Variants in GRID1 observed in about 807,000 individuals in gnomAD.
GRID1 encodes the protein glutamate ionotropic receptor delta type subunit 1.
Under a neutral mutation model 98.0 loss-of-function variants are expected in GRID1, and 28 were observed. The ratio of observed to expected loss-of-function variants is 0.29; its 90% CI spans 0.21 to 0.39. GRID1 has a LOEUF of 0.39. Among genes scored for constraint, GRID1 ranks in the 10% least tolerant of loss-of-function variants. The pLI is 1.00. For missense variants in GRID1, 1,111 were observed against 1,340.5 expected, an observed-to-expected ratio of 0.83 and a Z score of 2.67; for synonymous variants, 553 against 538.5, an observed-to-expected ratio of 1.03 and a Z score of -0.37.
chr10:86,197,192 G>A (rs116294387), intron 3 of GRID1, among the ~76,000 whole-genome samples: 106 of 151,744 alleles, frequency 7.0e-4, no homozygotes, highest in African/African-American at 2.4e-3. Flanking sequence ...GAAAGGGAAG[G>A]CCCCACGGGA....
intron 4 of GRID1, among the ~76,000 whole-genome samples, chr10:86,121,573 A>ATCAC (rs1564681384): frequency 3.2e-4 from 1 of 3,124 alleles, no homozygotes; most frequent in Non-Finnish European, 9.3e-4. Context: ...ATCACCATCA[A>ATCAC]CATCACCACC....
chr10:86,054,773 A>G (rs1378388382), intron 4 of GRID1, among the ~76,000 whole-genome samples: 2 of 152,200 alleles, frequency 1.3e-5, no homozygotes, highest in South Asian at 4.1e-4. Flanking sequence ...CACTGTAAAA[A>G]TGGTCCCACT....
intron 4 of GRID1, among the ~76,000 whole-genome samples, chr10:86,132,672 G>T (rs562083286): frequency 6.6e-6 from 1 of 152,222 alleles, no homozygotes; most frequent in Non-Finnish European, 1.5e-5. Context: ...CATATATCAT[G>T]TGGGACAACA....
In GRID1 at chr10:85,677,942, C is replaced by T. The variant is rs150776360; in HGVS notation, c.1998-30545G>A. Among the ~76,000 whole-genome samples the T allele has an allele frequency of 2.8e-3, 429 of 152,182 alleles. 3 individuals are homozygous for T. The highest frequency in any genetic ancestry group is 9.6e-3 in the African/African-American group (399 of 41,514). On this transcript the variant is annotated intron_variant, in intron 12 of 15. Transcript: ENST00000327946. Reference sequence around the variant, plus strand: ...CTAGGGACAGACATGGTGCCAGAAACGCCCCAGACACCAAGAAAGCACCTG... The same window carrying T: ...CTAGGGACAGACATGGTGCCAGAAATGCCCCAGACACCAAGAAAGCACCTG...
At position 86,363,995 on chromosome 10, in the gene GRID1, T is replaced by C. The variant is rs2132125119; in HGVS notation, c.181A>G (p.Thr61Ala). 1 of 1,613,998 alleles carries C rather than the reference T, an allele frequency of 6.2e-7. No homozygotes were observed. Among genetic ancestry groups the C allele is most frequent in the African/African-American group, 1.3e-5 (1 of 75,050 alleles). The change falls in exon 2 of 16, where the codon ACC becomes GCC. Residue 61 changes from threonine (T) to alanine (A), a missense_variant. Around this residue, in one of 3 missense-constraint regions of GRID1, gnomAD observed 346 missense variants for 452.3 expected, o/e 0.76. Coordinates refer to ENST00000327946, the MANE Select transcript of GRID1 (RefSeq NM_017551.3). ...GCCTCGATGACCTTGATGGAGTAGG[T>C]GATCTTCTCGCTCTGCAGGATGTCA... ...NDDILQSEKITYSIKVIEANN... is the reference protein window; with the variant it reads ...NDDILQSEKIAYSIKVIEANN...
chr10:86,142,457 C>A (rs1237160699), intron 3 of GRID1, among the ~76,000 whole-genome samples: 1 of 152,246 alleles, frequency 6.6e-6, no homozygotes, highest in East Asian at 1.9e-4. Flanking sequence ...GGCAAGGCCA[C>A]ATGTGCACAG....
intron 2 of GRID1, among the ~76,000 whole-genome samples, chr10:86,261,789 G>A (rs939259386): frequency 1.3e-5 from 2 of 152,086 alleles, no homozygotes. Context: ...ATACACATCC[G>A]GGCAGCCACC....
intron 2 of GRID1, among the ~76,000 whole-genome samples, chr10:86,361,918 A>G (rs1366366251): frequency 1.3e-5 from 2 of 152,170 alleles, no homozygotes. Context: ...CTTGTGTGTT[A>G]CCTGCATGAG....
intron 2 of GRID1, among the ~76,000 whole-genome samples, chr10:86,248,369 G>A (rs1172988537): frequency 6.6e-6 from 1 of 152,142 alleles, no homozygotes; most frequent in Non-Finnish European, 1.5e-5. Context: ...AACCAAATTG[G>A]GAGAGGGAGG....
chr10:86,086,926 G>C (rs1047643184), intron 4 of GRID1, among the ~76,000 whole-genome samples: 1 of 152,208 alleles, frequency 6.6e-6, no homozygotes, highest in Non-Finnish European at 1.5e-5. Flanking sequence ...ATCAGTAAAA[G>C]TTGGCTGAAC....
intron 4 of GRID1, among the ~76,000 whole-genome samples, chr10:85,987,409 C>T (rs1842622193): frequency 8.6e-6 from 1 of 115,806 alleles, no homozygotes; most frequent in Non-Finnish European, 1.8e-5. Context: ...TATATCTTCC[C>T]CCCAACCTAA....
intron 4 of GRID1, among the ~76,000 whole-genome samples, chr10:86,074,561 C>G (rs1431237406): frequency 1.3e-5 from 2 of 152,114 alleles, no homozygotes; most frequent in East Asian, 3.9e-4. Context: ...GATTAATAGT[C>G]CACTGAGTAT....
At chr10:85,792,557 G>C (rs1235890352) in intron 8 of GRID1, among the ~76,000 whole-genome samples, 2 of 152,218 alleles carry the variant, frequency 1.3e-5, no homozygotes, top group Non-Finnish European at 2.9e-5. Context: ...CTTGAGATCT[G>C]AGCTGAGAGG....
At chr10:85,677,112 G>A (rs988390723) in intron 12 of GRID1, among the ~76,000 whole-genome samples, 2 of 152,134 alleles carry the variant, frequency 1.3e-5, no homozygotes, top group African/African-American at 4.8e-5. Context: ...ACTCAAAATG[G>A]GGCAAACTGA....
chr10:86,029,878 C>T (rs917507017), intron 4 of GRID1, among the ~76,000 whole-genome samples: 4 of 152,086 alleles, frequency 2.6e-5, no homozygotes, highest in African/African-American at 4.8e-5. Flanking sequence ...ACTTCATAGA[C>T]CCCCAGAGGG....
chr10:85,726,800 A>G (rs1210967300), intron 10 of GRID1, among the ~76,000 whole-genome samples: 3 of 152,236 alleles, frequency 2.0e-5, no homozygotes, highest in African/African-American at 7.2e-5. Context: ...TATGAAAGAT[A>G]TCAATGGCGT....
At chr10:85,623,467 C>G (rs1358644646) in intron 13 of GRID1, among the ~76,000 whole-genome samples, 3 of 152,158 alleles carry the variant, frequency 2.0e-5, no homozygotes, top group Admixed American at 6.5e-5. Flanking sequence ...TCCACGTGGC[C>G]CCAAATAATG....
At chr10:85,902,906 AC>A (rs1841409556) in intron 5 of GRID1, among the ~76,000 whole-genome samples, 3 of 151,774 alleles carry the variant, frequency 2.0e-5, no homozygotes, top group African/African-American at 7.3e-5. Flanking sequence ...CCCCCACAAC[AC>A]CTGTCCTCCT....
chr10:86,093,265 C>T (rs957097793), intron 4 of GRID1, among the ~76,000 whole-genome samples: 2 of 151,838 alleles, frequency 1.3e-5, no homozygotes, highest in Non-Finnish European at 2.9e-5. Context: ...CCCTTAATGC[C>T]TACATCAAAA....
Sources: allele counts gnomAD v4.1 joint callset (sites outside exome capture counted in the v4.1 genomes callset), GRCh38; gene constraint gnomAD v4.1.1; regional missense constraint gnomAD v4.1.1; transcripts MANE v1.5; gene names NCBI Gene and HGNC (gene_info 2026-07-23, HGNC 2026-07-21).